BAIAP3: variants seen among roughly 807,000 people sequenced by gnomAD.
BAIAP3 encodes BAI1 associated protein 3.
In BAIAP3, 180 loss-of-function variants were observed where a neutral mutation model predicts 149.7. That is an observed-to-expected ratio of 1.20 (90% confidence interval 1.07 to 1.36). The LOEUF (loss-of-function observed/expected upper bound fraction) is 1.36. BAIAP3 is among the 40% of genes most tolerant of loss of function. The pLI is 0.00. For synonymous variants in BAIAP3, 845 were observed against 670.7 expected (o/e 1.26, Z -4.02); for missense variants, 1,767 against 1,563.4 (o/e 1.13, Z -2.20).
intron 15 of BAIAP3, 126 bp downstream of exon 15, chr16:1,343,639 T>C (rs915734211): frequency 7.1e-7 from 1 of 1,401,292 alleles, no homozygotes; most frequent in Non-Finnish European, 9.6e-7. Context: ...ATGGACAAAC[T>C]GTATGACGTG....
Position 1,338,940 on chromosome 16 carries a change from G to T in BAIAP3, c.170G>T (p.Arg57Leu). The change falls in exon 3 of 34, where the codon CGC (arginine) becomes CTC (leucine). Residue 57 changes from arginine to leucine, a missense_variant. By Grantham distance (102) the Arg-to-Leu change is moderately radical. Transcript: ENST00000426824. ...GDGVEFFAHM[R>L]LMLKKGEGRQ... ...GGCGTGGAGTTCTTTGCCCACATGC[G>T]CCTCATGCTGAAGAAGGGGGAAGGC... The T allele has an allele frequency of 1.2e-6, 2 of 1,613,110 alleles. No homozygotes were observed. Among genetic ancestry groups the T allele is most frequent in the South Asian group, 1.1e-5 (1 of 91,092 alleles).
intron 15 of BAIAP3, 43 bp downstream of exon 15, chr16:1,343,556 G>A (rs747916196): frequency 7.5e-6 from 12 of 1,599,088 alleles, no homozygotes; most frequent in Non-Finnish European, 1.0e-5. Flanking sequence ...GGCGAAGGGA[G>A]TGCTGGGGAC....
At chr16:1,347,447 C>A (rs1278470160) in intron 29 of BAIAP3, 78 bp downstream of exon 29, 2 of 1,590,046 alleles carry the variant, frequency 1.3e-6, no homozygotes, top group African/African-American at 1.3e-5. Context: ...CGGGCTGTGT[C>A]CTTGAGCATG....
rs79705111 is a variant in BAIAP3, at chr16:1,343,705, G to A, written c.1386+192G>A. ...CGGGAGACTCGTGGGAGTCACCTCG[G>A]GGGGCGGCCAGGACTTAGGACAGGG... On this transcript the variant is annotated intron_variant, in intron 15 of 33. Transcript: ENST00000426824. 1.1e-4 allele frequency among the ~76,000 whole-genome samples: 17 copies of A among 152,354 alleles called. No individual in the cohort carries two copies. In the East Asian group the frequency reaches 3.3e-3, roughly 29 times the overall value.
Position 1,347,759 on chromosome 16 carries a change from C to G in BAIAP3, c.2963C>G (p.Ala988Gly). 3.1e-6 allele frequency: 5 copies of G among 1,609,766 alleles called. No individual in the cohort carries two copies. The highest frequency in any genetic ancestry group is 4.2e-6 in the Non-Finnish European group (5 of 1,177,610). Residue 988 changes from alanine to glycine, a missense_variant, in exon 31 of 34, where the codon GCT becomes GGT. Transcript: ENST00000426824. ...RLSVRCHYEA[A>G]EQRLAVEVLH... ...AGCGTCCGTTGCCATTACGAGGCGGCTGAGCAGCGGCTGGCCGTGGAGGTG... is the reference window on the plus strand; with the variant it reads ...AGCGTCCGTTGCCATTACGAGGCGGGTGAGCAGCGGCTGGCCGTGGAGGTG...
intron 1 of BAIAP3, 64 bp from the exon 2 acceptor site, chr16:1,338,476 C>G: frequency 8.2e-7 from 1 of 1,223,956 alleles, no homozygotes; most frequent in Non-Finnish European, 1.1e-6. Context: ...ACCCCCCCGC[C>G]TGCTGTGGTG....
chr16:1,349,205 C>A lies in BAIAP3; in HGVS notation c.*723C>A. 1 of 583,096 alleles carries A rather than the reference C, an allele frequency of 1.7e-6. No homozygotes were observed. The highest frequency in any genetic ancestry group is 3.0e-5 in the East Asian group (1 of 33,804). The allele number at this position is 583,096 out of a possible 1,614,324, so 36.1% of individuals were successfully genotyped here. ...GCCGAGAGTTCGCCCCAACCCTTCC[C>A]CAGGCCCAGTGTGAAAAACAGACTC... On this transcript the variant is annotated 3_prime_UTR_variant, in exon 34 of 34. Transcript: ENST00000426824.
chr16:1,339,341 C>T, intron 4 of BAIAP3, 97 bp downstream of exon 4: 2 of 1,511,818 alleles, frequency 1.3e-6, no homozygotes, highest in Middle Eastern at 2.3e-4. Flanking sequence ...CTGGTGATGG[C>T]AGAGAGCCAG....
rs528380880 is a variant in BAIAP3 at position 1,348,865 on chromosome 16, C to T, written c.*383C>T. 10 of 343,134 alleles carry T rather than the reference C, an allele frequency of 2.9e-5. No individual in the cohort carries two copies. Among genetic ancestry groups the T allele is most frequent in the African/African-American group, 1.7e-4 (8 of 47,910 alleles). 21.3% of individuals were successfully genotyped at this position (343,134 alleles called of 1,614,324 possible). A position where few individuals can be genotyped will look rare whatever the true frequency, so the allele number is the denominator to read the frequency against. The stretch of plus-strand genomic sequence containing the variant: ...GTGAGTGGCTGTGCTCTCTGCACAA[C>T]GGGCAATGTGCAGACGCATTTTTGG... On this transcript the variant is annotated 3_prime_UTR_variant, in exon 34 of 34. Coordinates refer to ENST00000426824, the MANE Select transcript of BAIAP3 (RefSeq NM_001199097.2).
In BAIAP3 at chr16:1,342,598, A is replaced by T; in HGVS notation, c.1029A>T (p.Gly343=). The part of the protein sequence containing the change: ...EPRSSASRVQ[G]HCHLVLKLIT... ...GCTCCAGTGCCTCGCGTGTGCAGGG[A>T]CACTGCCACCTGGTTCTCAAGCTGA... The change falls in exon 12 of 34, where the codon GGA becomes GGT. Residue 343 remains glycine (G), a synonymous_variant. Coordinates refer to ENST00000426824, the MANE Select transcript of BAIAP3 (RefSeq NM_001199097.2). The T allele has an allele frequency of 6.4e-7, 1 of 1,570,222 alleles. No homozygotes were observed. Among genetic ancestry groups the T allele is most frequent in the Non-Finnish European group, 8.6e-7 (1 of 1,158,432 alleles).
rs1383853843 is a variant in BAIAP3, at chr16:1,343,374, C to T, written c.1266-19C>T. The T allele has an allele frequency of 6.3e-6, 10 of 1,575,460 alleles. No individual in the cohort carries two copies. The highest frequency in any genetic ancestry group is 1.3e-5 in the African/African-American group (1 of 74,146). On this transcript the variant is annotated intron_variant, in intron 14 of 33. Transcript: ENST00000426824. ...AGGGGCGGGGTTCATACCCTTTGAC[C>T]ATGGGCCGGGCCCCACAGGCACTGG...
chr16:1,347,621 A>G lies in BAIAP3; in HGVS notation c.2900A>G (p.Lys967Arg). The G allele has an allele frequency of 6.2e-7, 1 of 1,613,034 alleles. No individual in the cohort carries two copies. The highest frequency in any genetic ancestry group is 8.5e-7 in the Non-Finnish European group (1 of 1,179,968). The stretch of plus-strand genomic sequence containing the variant: ...GAGCAGTTCTACCTGGACAAGCTCA[A>G]ACAGGTAGGGAGGCGCCAGGGACAG... ...CIEQFYLDKL[K>R]QRTLEQNRFG... Residue 967 changes from lysine (K) to arginine (R), a missense_variant, in exon 30 of 34, where the codon AAA (lysine) becomes AGA (arginine). Physicochemically the swap from Lys to Arg is conservative, Grantham distance 26. Coordinates refer to ENST00000426824, the MANE Select transcript of BAIAP3 (RefSeq NM_001199097.2).
rs1567162906 is a variant in BAIAP3 at position 1,341,468 on chromosome 16, T to A, written c.710T>A (p.Val237Asp). Residue 237 changes from valine (V) to aspartate (D), a missense_variant, in exon 8 of 34, where the codon GTC becomes GAC. Physicochemically the swap from Val to Asp is radical, Grantham distance 152. Coordinates refer to ENST00000426824, the MANE Select transcript of BAIAP3 (RefSeq NM_001199097.2). ...TEVKSSTLNP[V>D]WKEHFLFEIE... ...GTGAAGAGCAGCACCCTGAACCCCG[T>A]CTGGAAGGAGCACTTCCTCTTGTGA... 6.2e-7 allele frequency: 1 copy of A among 1,611,062 alleles called. No homozygotes were observed. The highest frequency in any genetic ancestry group is 2.2e-5 in the East Asian group (1 of 44,810).
chr16:1,347,804 T>TC lies in BAIAP3; in HGVS notation c.3013dup (p.Leu1005ProfsTer8). 1 of 1,604,602 alleles carries TC rather than the reference T, an allele frequency of 6.2e-7. No homozygotes were observed. On this transcript the variant is annotated frameshift_variant, in exon 31 of 34. Transcript: ENST00000426824. LOFTEE classifies it high-confidence loss of function. ...GAGGTGCTGCACGCCGCGGACCTGC[T>TC]CCCCCTGGACGCCAACGGTGAGTTG...
chr16:1,346,665 G>A lies in BAIAP3; in HGVS notation c.2623G>A (p.Val875Met), dbSNP rs1433798335. 3.0e-6 allele frequency: 4 copies of A among 1,313,708 alleles called. No homozygotes were observed. Among genetic ancestry groups the A allele is most frequent in the Non-Finnish European group, 4.1e-6 (4 of 974,456 alleles). The allele number at this position is 1,313,708 out of a possible 1,614,324, so 81.4% of individuals were successfully genotyped here. Reference sequence around the variant, plus strand: ...GCTGGCCCTGCTGAACGCCTCGCTGGTGAAGGGGAACCTGAGCAGGTGCGG... The same window carrying A: ...GCTGGCCCTGCTGAACGCCTCGCTGATGAAGGGGAACCTGAGCAGGTGCGG... ...EKLALLNASL[V>M]KGNLSRVLEA... The change falls in exon 27 of 34, where the codon GTG becomes ATG. Residue 875 changes from valine to methionine, a missense_variant. By Grantham distance (21) the Val-to-Met change is conservative (BLOSUM62 1). Transcript: ENST00000426824.
At position 1,341,852 on chromosome 16, in the gene BAIAP3, G is replaced by T; in HGVS notation, c.762G>T (p.Leu254=). The T allele has an allele frequency of 6.2e-7, 1 of 1,612,438 alleles. No homozygotes were observed. The highest frequency in any genetic ancestry group is 8.5e-7 in the Non-Finnish European group (1 of 1,179,806). The stretch of plus-strand genomic sequence containing the variant: ...TTGAGGATGTGAGCACGGACCAGCT[G>T]CACCTGGACATCTGGTACAGGCCCC... ...FEIEDVSTDQ[L]HLDIWDHDDD... The change falls in exon 9 of 34, where the codon CTG becomes CTT. Residue 254 remains leucine (L), a synonymous_variant. Coordinates refer to ENST00000426824, the MANE Select transcript of BAIAP3 (RefSeq NM_001199097.2).
chr16:1,335,992 G>A (rs2033426949), intron 1 of BAIAP3, among the ~76,000 whole-genome samples: 1 of 152,200 alleles, frequency 6.6e-6, no homozygotes, highest in South Asian at 2.1e-4. Flanking sequence ...TGAATGTGGA[G>A]AGGAAAATGC....
At position 1,346,023 on chromosome 16, in the gene BAIAP3, T is replaced by C. The variant is rs769873409; in HGVS notation, c.2246T>C (p.Leu749Pro). The C allele has an allele frequency of 6.2e-7, 1 of 1,611,484 alleles. No homozygotes were observed. The highest frequency in any genetic ancestry group is 8.5e-7 in the Non-Finnish European group (1 of 1,179,506). Reference sequence around the variant, plus strand: ...GCCACCCTCTTCTATACGGAGCTGCTTCGGAAGAAGGTGGACACTCAGCCA... The same window carrying C: ...GCCACCCTCTTCTATACGGAGCTGCCTCGGAAGAAGGTGGACACTCAGCCA... ...CEATLFYTEL[L>P]RKKVDTQPGA... is the part of the protein sequence containing the mutation. Residue 749 changes from leucine (L) to proline (P), a missense_variant, in exon 24 of 34, where the codon CTT becomes CCT. Coordinates refer to ENST00000426824, the MANE Select transcript of BAIAP3 (RefSeq NM_001199097.2).
intron 6 of BAIAP3, 41 bp downstream of exon 6, chr16:1,341,022 G>C (rs942313514): frequency 6.2e-7 from 1 of 1,609,540 alleles, no homozygotes; most frequent in East Asian, 2.2e-5. Context: ...ACCAGCACGT[G>C]CCTGCGTGGC....
Sources: gnomAD v4.1 joint callset for allele counts (sites outside exome capture counted in the v4.1 genomes callset) on GRCh38, gnomAD v4.1.1 for gene constraint, MANE v1.5 for transcripts, NCBI Gene and HGNC (gene_info 2026-07-23, HGNC 2026-07-21) for gene names.